Variants in PLXDC2 observed in about 807,000 individuals in gnomAD.
The protein encoded by PLXDC2 is plexin domain-containing protein 2.
Under a neutral mutation model 68.9 loss-of-function variants are expected in PLXDC2, and 40 were observed. That is an observed-to-expected ratio of 0.58 (90% CI 0.45 to 0.76). The LOEUF is 0.76. Ranked by LOEUF, PLXDC2 falls within the 30% of genes least tolerant of loss-of-function variation. The probability of loss-of-function intolerance (pLI) is 0.00; values close to 1 mark genes in which losing one functional copy is unlikely to be tolerated. For synonymous variants in PLXDC2, 243 were observed against 234.2 expected, an observed-to-expected ratio of 1.04 and a Z score of -0.34; for missense variants, 644 against 661.9, an observed-to-expected ratio of 0.97 and a Z score of 0.30.
At chr10:19,995,788 C>G (rs1834833738) in intron 1 of PLXDC2, among the ~76,000 whole-genome samples, 2 of 152,168 alleles carry the variant, frequency 1.3e-5, no homozygotes, top group African/African-American at 4.8e-5. Flanking sequence ...TAGAAGAAAA[C>G]TCAATTAGCT....
chr10:19,817,732 G>A (rs1280134276), intron 1 of PLXDC2, among the ~76,000 whole-genome samples: 1 of 152,212 alleles, frequency 6.6e-6, no homozygotes, highest in East Asian at 1.9e-4. Context: ...TGGAAGGGGG[G>A]CGGGGTAAAT....
chr10:20,038,324 C>G (rs1835617547), intron 2 of PLXDC2, among the ~76,000 whole-genome samples: 1 of 151,764 alleles, frequency 6.6e-6, no homozygotes, highest in South Asian at 2.1e-4. Flanking sequence ...AGGGATAGAC[C>G]ATGCTGCAAA....
At chr10:19,966,054 C>T (rs1834242972) in intron 1 of PLXDC2, among the ~76,000 whole-genome samples, 1 of 151,598 alleles carries the variant, frequency 6.6e-6, no homozygotes, top group Admixed American at 6.6e-5. Flanking sequence ...ATCAGTATTA[C>T]AAATTAGAGA....
intron 12 of PLXDC2, among the ~76,000 whole-genome samples, chr10:20,220,300 A>C (rs945594097): frequency 2.6e-5 from 4 of 152,166 alleles, no homozygotes; most frequent in African/African-American, 9.7e-5. Flanking sequence ...GGAGGATGTT[A>C]GTAGCATATG....
At chr10:19,881,224 C>T (rs1270998135) in intron 1 of PLXDC2, among the ~76,000 whole-genome samples, 1 of 151,942 alleles carries the variant, frequency 6.6e-6, no homozygotes, top group African/African-American at 2.4e-5. Context: ...CAATAGATTC[C>T]CCTGCCTCAG....
intron 1 of PLXDC2, among the ~76,000 whole-genome samples, chr10:19,957,202 T>C (rs1834084394): frequency 6.6e-6 from 1 of 152,182 alleles, no homozygotes; most frequent in Non-Finnish European, 1.5e-5. Context: ...ACTGGTACTG[T>C]GTGGAAATTA....
At chr10:19,955,389 A>T (rs1394359023) in intron 1 of PLXDC2, among the ~76,000 whole-genome samples, 1 of 151,664 alleles carries the variant, frequency 6.6e-6, no homozygotes, top group Non-Finnish European at 1.5e-5. Flanking sequence ...GACATCCCCC[A>T]ACCCATTTCC....
intron 1 of PLXDC2, among the ~76,000 whole-genome samples, chr10:19,862,452 A>G (rs530843320): frequency 6.6e-6 from 1 of 152,356 alleles, no homozygotes; most frequent in South Asian, 2.1e-4. Context: ...GAATTTCAGT[A>G]GTTATCTAAA....
chr10:20,121,122 G>A (rs1362019447), intron 4 of PLXDC2, among the ~76,000 whole-genome samples: 2 of 152,212 alleles, frequency 1.3e-5, no homozygotes, highest in African/African-American at 4.8e-5. Flanking sequence ...AGGAGCTGGG[G>A]AGCAGAAAGT....
chr10:19,838,293 A>C (rs577584654), intron 1 of PLXDC2, among the ~76,000 whole-genome samples: 16 of 152,158 alleles, frequency 1.1e-4, no homozygotes, highest in Non-Finnish European at 2.2e-4. Context: ...TTAAACTTCC[A>C]GTTTCTAAAT....
chr10:20,147,858 G>T lies in PLXDC2; in HGVS notation c.739G>T (p.Ala247Ser). ...NYNLGSFTFQ[A>S]TLLMDGRIIF... ...TAACCTGGGAAGCTTCACATTCCAG[G>T]CAACCCTGCTCATGGATGGACGAAT... is the stretch of plus-strand genomic sequence containing the variant. Residue 247 changes from alanine to serine, a missense_variant, in exon 6 of 14, where the codon GCA becomes TCA. Coordinates refer to ENST00000377252, the MANE Select transcript of PLXDC2 (RefSeq NM_032812.9). 6.2e-7 allele frequency: 1 copy of T among 1,612,970 alleles called. No homozygotes were observed. The highest frequency in any genetic ancestry group is 8.5e-7 in the Non-Finnish European group (1 of 1,179,032).
chr10:19,873,008 G>A (rs970844255), intron 1 of PLXDC2, among the ~76,000 whole-genome samples: 2 of 152,076 alleles, frequency 1.3e-5, no homozygotes, highest in African/African-American at 4.8e-5. Flanking sequence ...TTTGACTATT[G>A]GCACCAAAGA....
chr10:19,983,760 C>G (rs757322608), intron 1 of PLXDC2, among the ~76,000 whole-genome samples: 17 of 152,172 alleles, frequency 1.1e-4, no homozygotes, highest in Non-Finnish European at 2.1e-4. Flanking sequence ...GTGGCAGCAG[C>G]AACACCAGGA....
chr10:19,907,096 G>T (rs576565057), intron 1 of PLXDC2, among the ~76,000 whole-genome samples: 1 of 152,140 alleles, frequency 6.6e-6, no homozygotes, highest in East Asian at 1.9e-4. Context: ...ATTGTGGCAT[G>T]GTAATCATTT....
At chr10:19,997,945 T>C (rs1834869386) in intron 1 of PLXDC2, among the ~76,000 whole-genome samples, 2 of 152,232 alleles carry the variant, frequency 1.3e-5, no homozygotes, top group South Asian at 4.1e-4. Context: ...AGCTTCGTCT[T>C]CTTATATTCC....
chr10:19,957,531 T>G (rs1834091446), intron 1 of PLXDC2, among the ~76,000 whole-genome samples: 1 of 152,096 alleles, frequency 6.6e-6, no homozygotes, highest in Admixed American at 6.6e-5. Flanking sequence ...AATATCTTCT[T>G]CTCATATCAA....
chr10:20,006,934 C>A (rs1289626872), intron 2 of PLXDC2, among the ~76,000 whole-genome samples: 1 of 152,210 alleles, frequency 6.6e-6, no homozygotes, highest in Non-Finnish European at 1.5e-5. Flanking sequence ...TGTATTTCCT[C>A]TGTTCATTCA....
At chr10:19,880,672 T>C (rs1051577141) in intron 1 of PLXDC2, among the ~76,000 whole-genome samples, 7 of 152,224 alleles carry the variant, frequency 4.6e-5, no homozygotes, top group African/African-American at 1.7e-4. Context: ...TATTCAGTAC[T>C]TTCCATGAGT....
At chr10:19,991,597 T>C (rs751664698) in intron 1 of PLXDC2, among the ~76,000 whole-genome samples, 2 of 152,202 alleles carry the variant, frequency 1.3e-5, no homozygotes, top group Non-Finnish European at 2.9e-5. Context: ...AGTACATCTA[T>C]TGGCTGTCGT....
Sources: gnomAD v4.1 joint callset for allele counts (sites outside exome capture counted in the v4.1 genomes callset) on GRCh38, gnomAD v4.1.1 for gene constraint, MANE v1.5 for transcripts, NCBI Gene and HGNC (gene_info 2026-07-23, HGNC 2026-07-21) for gene names.